The following ADAM18 variants were observed in gnomAD, a reference collection of about 807,000 sequenced individuals.
ADAM18 encodes the protein ADAM metallopeptidase domain 18, also known as disintegrin and metalloproteinase domain-containing protein 18.
Under a neutral mutation model 94.4 loss-of-function variants are expected in ADAM18, and 117 were observed. That is an observed-to-expected ratio of 1.24 (90% confidence interval 1.07 to 1.45). ADAM18 has a LOEUF of 1.45. Among genes scored for constraint, ADAM18 ranks in the 40% most tolerant of loss-of-function variants. The pLI is 0.00. For missense variants in ADAM18, 936 were observed against 880.0 expected, an observed-to-expected ratio of 1.06 and a Z score of -0.81; for synonymous variants, 327 against 291.6, an observed-to-expected ratio of 1.12 and a Z score of -1.24.
intron 19 of ADAM18, among the ~76,000 whole-genome samples, chr8:39,725,523 T>C (rs995474927): frequency 2.0e-5 from 3 of 152,184 alleles, no homozygotes; most frequent in Admixed American, 6.5e-5. Flanking sequence ...TGGCAACCAC[T>C]GTTCTACTCT....
At chr8:39,609,301 C>G (rs916518776) in intron 4 of ADAM18, among the ~76,000 whole-genome samples, 181 bp downstream of exon 4, 3 of 152,090 alleles carry the variant, frequency 2.0e-5, no homozygotes, top group African/African-American at 7.2e-5. Flanking sequence ...CACAGGGACT[C>G]TCTTGTGCCT....
intron 12 of ADAM18, among the ~76,000 whole-genome samples, chr8:39,661,872 C>T (rs1207762394): frequency 1.3e-5 from 2 of 151,264 alleles, no homozygotes; most frequent in Non-Finnish European, 2.9e-5. Flanking sequence ...GGTGTCAATG[C>T]CCTTTCGACA....
At chr8:39,681,194 T>G (rs760034042) in intron 16 of ADAM18, among the ~76,000 whole-genome samples, 2 of 152,244 alleles carry the variant, frequency 1.3e-5, no homozygotes, top group Non-Finnish European at 2.9e-5. Context: ...CTCCCTTGCC[T>G]TCTCAGATTG....
At chr8:39,642,619 T>A (rs1042999902) in intron 10 of ADAM18, among the ~76,000 whole-genome samples, 6 of 152,140 alleles carry the variant, frequency 3.9e-5, no homozygotes, top group East Asian at 1.9e-4. Context: ...TCTAGGTGTC[T>A]GTTTTTCTAT....
chr8:39,606,475 T>A, intron 3 of ADAM18, 113 bp downstream of exon 3: 5 of 558,386 alleles, frequency 9.0e-6, no homozygotes, highest in Non-Finnish European at 1.5e-5. Context: ...TAATGTAGAC[T>A]TGTTTTATCA....
chr8:39,637,722 A>G lies in ADAM18; in HGVS notation c.827+19A>G. On this transcript the variant is annotated intron_variant, in intron 9 of 19. Transcript: ENST00000265707. ...TACTTGTGTAAGCACAATGTTCTAC[A>G]TTAATAAAGATATCTGCATAATTAT... 6.6e-7 allele frequency: 1 copy of G among 1,510,722 alleles called. No homozygotes were observed. The highest frequency in any genetic ancestry group is 8.9e-7 in the Non-Finnish European group (1 of 1,129,060). 93.6% of individuals were successfully genotyped at this position (1,510,722 alleles called of 1,614,324 possible). A position where few individuals can be genotyped will look rare whatever the true frequency, so the allele number is the denominator to read the frequency against.
chr8:39,650,808 C>A (rs376294477), intron 12 of ADAM18, among the ~76,000 whole-genome samples: 1 of 152,148 alleles, frequency 6.6e-6, no homozygotes, highest in African/African-American at 2.4e-5. Flanking sequence ...GGGGTGGCCT[C>A]CCCCTCCACA....
chr8:39,694,432 C>T (rs1821867302), intron 17 of ADAM18, among the ~76,000 whole-genome samples: 2 of 151,332 alleles, frequency 1.3e-5, no homozygotes, highest in East Asian at 1.9e-4. Flanking sequence ...ATAAAACCAA[C>T]CATGACCTGT....
chr8:39,641,678 C>A (rs976512914), intron 10 of ADAM18, among the ~76,000 whole-genome samples: 16 of 152,104 alleles, frequency 1.1e-4, no homozygotes, highest in African/African-American at 3.9e-4. Context: ...GGATAGTGAC[C>A]GCTAGCTCCA....
intron 16 of ADAM18, among the ~76,000 whole-genome samples, chr8:39,692,161 C>T (rs1821800544): frequency 6.6e-6 from 1 of 151,724 alleles, no homozygotes; most frequent in South Asian, 2.1e-4. Flanking sequence ...AATCTTATAA[C>T]AAAGATTCAA....
At chr8:39,683,397 G>A (rs1007591156) in intron 16 of ADAM18, among the ~76,000 whole-genome samples, 1 of 152,198 alleles carries the variant, frequency 6.6e-6, no homozygotes. Context: ...CAGAAACTGC[G>A]ATAATATGTG....
chr8:39,645,661 G>A (rs539665745), intron 11 of ADAM18, among the ~76,000 whole-genome samples, 187 bp downstream of exon 11: 8 of 152,096 alleles, frequency 5.3e-5, no homozygotes, highest in African/African-American at 1.7e-4. Context: ...CTATATCTTT[G>A]TCTGTGCACA....
intron 7 of ADAM18, among the ~76,000 whole-genome samples, chr8:39,629,717 T>C (rs747130941): frequency 2.0e-5 from 3 of 151,758 alleles, no homozygotes; most frequent in Admixed American, 1.3e-4. Context: ...TCTTTCTTTC[T>C]TTTTATAACT....
chr8:39,724,313 A>C (rs1318543202), intron 19 of ADAM18, among the ~76,000 whole-genome samples: 1 of 151,866 alleles, frequency 6.6e-6, no homozygotes, highest in Non-Finnish European at 1.5e-5. Context: ...GAATTCAAAA[A>C]TATGTCCCTT....
At chr8:39,704,077 A>G (rs2129581235) in intron 17 of ADAM18, among the ~76,000 whole-genome samples, 2 of 152,254 alleles carry the variant, frequency 1.3e-5, no homozygotes, top group African/African-American at 4.8e-5. Flanking sequence ...TAAATAGCCT[A>G]CCAACCAAAA....
intron 2 of ADAM18, among the ~76,000 whole-genome samples, chr8:39,588,158 G>A (rs1818461020): frequency 6.6e-6 from 1 of 151,628 alleles, no homozygotes; most frequent in Non-Finnish European, 1.5e-5. Flanking sequence ...CACCAATAGT[G>A]TACAAAGATT....
At chr8:39,643,641 C>T (rs999286935) in intron 10 of ADAM18, among the ~76,000 whole-genome samples, 6 of 151,944 alleles carry the variant, frequency 3.9e-5, no homozygotes, top group Admixed American at 6.6e-5. Context: ...GGGCTGCGAA[C>T]GACAATCTTT....
intron 16 of ADAM18, among the ~76,000 whole-genome samples, chr8:39,684,244 C>T (rs992119953): frequency 3.3e-5 from 5 of 151,872 alleles, no homozygotes; most frequent in African/African-American, 1.2e-4. Flanking sequence ...ATGTCATAAG[C>T]TATTTATAAC....
intron 6 of ADAM18, chr8:39,610,944 T>C: frequency 8.2e-7 from 1 of 1,220,880 alleles, no homozygotes. Flanking sequence ...TCAAACAAAA[T>C]GATACTATTG....
Sources: allele counts gnomAD v4.1 joint callset (sites outside exome capture counted in the v4.1 genomes callset), GRCh38; gene constraint gnomAD v4.1.1; transcripts MANE v1.5; gene names NCBI Gene and HGNC (gene_info 2026-07-23, HGNC 2026-07-21).